CNTNAP2: variants seen among roughly 807,000 people sequenced by gnomAD.
CNTNAP2 encodes contactin associated protein 2.
Under a neutral mutation model 155.2 loss-of-function variants are expected in CNTNAP2, and 98 were observed. The ratio of observed to expected loss-of-function variants is 0.63; its 90% CI spans 0.54 to 0.75. CNTNAP2 has a LOEUF of 0.75. Ranked by LOEUF, CNTNAP2 falls within the 30% of genes least tolerant of loss-of-function variation. The probability of loss-of-function intolerance (pLI) is 0.00; values close to 1 mark genes in which losing one functional copy is unlikely to be tolerated. For synonymous variants in CNTNAP2, 651 were observed against 631.2 expected, an observed-to-expected ratio of 1.03 and a Z score of -0.47; for missense variants, 1,727 against 1,688.1, an observed-to-expected ratio of 1.02 and a Z score of -0.40.
At chr7:146,531,212 G>T (rs568406244) in intron 1 of CNTNAP2, among the ~76,000 whole-genome samples, 1 of 152,104 alleles carries the variant, frequency 6.6e-6, no homozygotes, top group South Asian at 2.1e-4. Flanking sequence ...GAGACTGGGG[G>T]CTACTTGAGG....
intron 1 of CNTNAP2, among the ~76,000 whole-genome samples, chr7:146,695,228 T>C (rs1800762455): frequency 6.6e-6 from 1 of 152,142 alleles, no homozygotes. Context: ...ACTACGTTTT[T>C]GTAGATATCT....
At chr7:146,248,773 C>T (rs1452913972) in intron 1 of CNTNAP2, among the ~76,000 whole-genome samples, 1 of 152,176 alleles carries the variant, frequency 6.6e-6, no homozygotes, top group East Asian at 1.9e-4. Flanking sequence ...GGGGATTGAT[C>T]TCCCAAGGGA....
intron 15 of CNTNAP2, among the ~76,000 whole-genome samples, chr7:148,021,487 CG>C (rs1802278131): frequency 6.6e-6 from 1 of 152,174 alleles, no homozygotes; most frequent in Non-Finnish European, 1.5e-5. Context: ...ATGTCCCTAA[CG>C]CTGAATCCTA....
At chr7:147,543,979 T>C (rs187795693) in intron 11 of CNTNAP2, among the ~76,000 whole-genome samples, 15 of 152,356 alleles carry the variant, frequency 9.8e-5, no homozygotes, top group Non-Finnish European at 1.5e-5. Context: ...CAAAGCTACC[T>C]GTTTTAAACA....
chr7:146,318,387 T>C (rs1307646958), intron 1 of CNTNAP2, among the ~76,000 whole-genome samples: 1 of 152,104 alleles, frequency 6.6e-6, no homozygotes, highest in East Asian at 1.9e-4. Context: ...CCGATAAACA[T>C]GCCATGTTAC....
At chr7:147,665,642 A>G (rs1213712462) in intron 13 of CNTNAP2, among the ~76,000 whole-genome samples, 1 of 151,586 alleles carries the variant, frequency 6.6e-6, no homozygotes, top group African/African-American at 2.4e-5. Context: ...ACCCTCTGAG[A>G]GGCCCCAGTG....
intron 3 of CNTNAP2, among the ~76,000 whole-genome samples, chr7:147,017,596 C>T (rs1798747105): frequency 6.6e-6 from 1 of 151,634 alleles, no homozygotes; most frequent in Admixed American, 6.6e-5. Context: ...TTCATAATGC[C>T]AAAGATAGGA....
chr7:146,669,252 A>G (rs968885007), intron 1 of CNTNAP2, among the ~76,000 whole-genome samples: 3 of 152,180 alleles, frequency 2.0e-5, no homozygotes, highest in Admixed American at 2.0e-4. Context: ...CAGTTTGAAG[A>G]ACAGGCAGTA....
intron 8 of CNTNAP2, among the ~76,000 whole-genome samples, chr7:147,199,436 G>C (rs1331068279): frequency 6.6e-6 from 1 of 152,162 alleles, no homozygotes; most frequent in Non-Finnish European, 1.5e-5. Context: ...TTCATTTTCA[G>C]ATAATATACT....
chr7:147,659,875 A>G (rs28444108), intron 13 of CNTNAP2, among the ~76,000 whole-genome samples: 8,500 of 152,246 alleles, frequency 0.056, 789 homozygotes, highest in African/African-American at 0.19. Context: ...ACAAAGAAAC[A>G]GAAATGAGGT....
intron 13 of CNTNAP2, among the ~76,000 whole-genome samples, chr7:147,696,836 C>T (rs1026086238): frequency 1.3e-5 from 2 of 151,888 alleles, no homozygotes; most frequent in Non-Finnish European, 2.9e-5. Flanking sequence ...ACTCTACTCT[C>T]TTCTTGCTTG....
At chr7:146,732,541 G>A (rs1801543742) in intron 1 of CNTNAP2, among the ~76,000 whole-genome samples, 5 of 152,114 alleles carry the variant, frequency 3.3e-5, no homozygotes, top group African/African-American at 9.6e-5. Context: ...AAAGAAGAGA[G>A]ATAACTTCAA....
chr7:146,622,197 A>G (rs954332961), intron 1 of CNTNAP2, among the ~76,000 whole-genome samples: 5 of 151,614 alleles, frequency 3.3e-5, no homozygotes, highest in African/African-American at 1.2e-4. Flanking sequence ...ATATACATAT[A>G]TATACACACA....
chr7:147,600,599 G>A (rs1424937934), intron 12 of CNTNAP2, among the ~76,000 whole-genome samples: 1 of 152,082 alleles, frequency 6.6e-6, no homozygotes, highest in Admixed American at 6.6e-5. Flanking sequence ...AGAAGAGGTG[G>A]GCCAGAATTT....
intron 20 of CNTNAP2, among the ~76,000 whole-genome samples, chr7:148,247,625 C>CTATT (rs71527888): frequency 0.14 from 14,477 of 104,650 alleles, 1,116 homozygotes; most frequent in Admixed American, 0.2. Flanking sequence ...CTCTCTCTCT[C>CTATT]TATTTATTTA....
At chr7:146,452,161 C>G (rs944418398) in intron 1 of CNTNAP2, among the ~76,000 whole-genome samples, 8 of 151,972 alleles carry the variant, frequency 5.3e-5, no homozygotes, top group African/African-American at 1.9e-4. Flanking sequence ...CCCACCTCGG[C>G]CTCCCAAAGT....
At chr7:146,888,326 A>G (rs1274913657) in intron 3 of CNTNAP2, among the ~76,000 whole-genome samples, 1 of 152,066 alleles carries the variant, frequency 6.6e-6, no homozygotes, top group Non-Finnish European at 1.5e-5. Flanking sequence ...TCTCCAGAAT[A>G]TTTTATACAT....
At chr7:146,150,166 A>C (rs1458033700) in intron 1 of CNTNAP2, among the ~76,000 whole-genome samples, 1 of 152,106 alleles carries the variant, frequency 6.6e-6, no homozygotes, top group African/African-American at 2.4e-5. Context: ...TAATGTAATA[A>C]GTTATTAGCT....
chr7:147,801,776 C>T (rs1158059942), intron 13 of CNTNAP2, among the ~76,000 whole-genome samples: 3 of 152,218 alleles, frequency 2.0e-5, no homozygotes, highest in Non-Finnish European at 4.4e-5. Flanking sequence ...CCCCACCCTT[C>T]CCCCCTTTCC....
Sources: gnomAD v4.1 joint callset for allele counts (sites outside exome capture counted in the v4.1 genomes callset) on GRCh38, gnomAD v4.1.1 for gene constraint, MANE v1.5 for transcripts, NCBI Gene and HGNC (gene_info 2026-07-23, HGNC 2026-07-21) for gene names.